Variants in SRD5A2 observed in about 807,000 individuals in gnomAD.
The protein encoded by SRD5A2 is 3-oxo-5-alpha-steroid 4-dehydrogenase 2.
Under a neutral mutation model 27.4 loss-of-function variants are expected in SRD5A2, and 30 were observed. The ratio of observed to expected loss-of-function variants is 1.10; its 90% CI spans 0.82 to 1.49. The LOEUF is 1.49. Among genes scored for constraint, SRD5A2 ranks in the 40% most tolerant of loss-of-function variants. The pLI, the probability that SRD5A2 is intolerant of heterozygous loss-of-function variation, is 0.00. For synonymous variants in SRD5A2, 141 were observed against 133.6 expected (o/e 1.06, Z -0.38); for missense variants, 348 against 323.4 (o/e 1.08, Z -0.58).
At chr2:31,600,280 C>T in the SRD5A2 span, among the ~76,000 whole-genome samples, 1 of 151,924 alleles carries the variant, frequency 6.6e-6, no homozygotes, top group South Asian at 2.1e-4. Flanking sequence ...GTAAATACTG[C>T]TGCAATAAAC....
rs1491224935 is a variant in SRD5A2 at position 31,526,104 on chromosome 2, C to CATATATATATATATATAT, written c.*91_*92insATATATATATATATATAT. On this transcript the variant is annotated 3_prime_UTR_variant, in exon 5 of 5. Coordinates refer to ENST00000622030, the MANE Select transcript of SRD5A2 (RefSeq NM_000348.4). Reference sequence around the variant, plus strand: ...CAGGAGACCTACTATTACATATATACGGGACTATTATATCATGAAAATTAC... The same window carrying CATATATATATATATATAT: ...CAGGAGACCTACTATTACATATATACATATATATATATATATATGGGACTATTATATCATGAAAATTAC... 41,768 of 785,138 alleles carry CATATATATATATATATAT rather than the reference C, an allele frequency of 0.053. 1,353 individuals are homozygous for CATATATATATATATATAT. Among genetic ancestry groups the CATATATATATATATATAT allele is most frequent in the Middle Eastern group, 0.076 (281 of 3,690 alleles). 48.6% of individuals were successfully genotyped at this position (785,138 alleles called of 1,614,324 possible). A position where few individuals can be genotyped will look rare whatever the true frequency, so the allele number is the denominator to read the frequency against.
chr2:31,554,292 A>G (rs1428393242), intron 1 of SRD5A2, among the ~76,000 whole-genome samples: 3 of 152,208 alleles, frequency 2.0e-5, no homozygotes, highest in South Asian at 4.1e-4. Flanking sequence ...AAAAAAGTTG[A>G]GCCTGTCACT....
intron 1 of SRD5A2, among the ~76,000 whole-genome samples, chr2:31,579,647 T>A (rs1255500197): frequency 2.0e-5 from 3 of 152,228 alleles, no homozygotes; most frequent in Non-Finnish European, 4.4e-5. Context: ...AGTTTCTTTG[T>A]AAAGTGGACA....
chr2:31,571,185 T>A (rs1289071586), intron 1 of SRD5A2, among the ~76,000 whole-genome samples: 1 of 152,070 alleles, frequency 6.6e-6, no homozygotes, highest in Admixed American at 6.6e-5. Context: ...TATAGACCAA[T>A]GGAACAGGAT....
At chr2:31,550,752 G>A (rs1666366360) in intron 1 of SRD5A2, among the ~76,000 whole-genome samples, 1 of 151,816 alleles carries the variant, frequency 6.6e-6, no homozygotes, top group Non-Finnish European at 1.5e-5. Context: ...ACTTGATAAG[G>A]AACATCTACA....
At chr2:31,592,390 A>T in the SRD5A2 span, among the ~76,000 whole-genome samples, 1 of 152,300 alleles carries the variant, frequency 6.6e-6, no homozygotes, top group South Asian at 2.1e-4. Flanking sequence ...CATAACCAGC[A>T]TTTGAGAAAA....
chr2:31,604,603 G>A, the SRD5A2 span, among the ~76,000 whole-genome samples: 1 of 151,748 alleles, frequency 6.6e-6, no homozygotes, highest in Non-Finnish European at 1.5e-5. Flanking sequence ...AACCAAAGAA[G>A]TGAAAGATCT....
chr2:31,550,772 A>G (rs898786512), intron 1 of SRD5A2, among the ~76,000 whole-genome samples: 1 of 152,044 alleles, frequency 6.6e-6, no homozygotes, highest in Admixed American at 6.5e-5. Context: ...AGCTAACATT[A>G]TATCGAACAG....
intron 1 of SRD5A2, among the ~76,000 whole-genome samples, chr2:31,559,836 C>CAACACACACACACACACACA (rs70964719): frequency 4.7e-5 from 3 of 63,714 alleles, no homozygotes; most frequent in African/African-American, 1.4e-4. Context: ...GTAAACAAAC[C>CAACACACACACACACACACA]CACACACACA....
intron 1 of SRD5A2, among the ~76,000 whole-genome samples, chr2:31,547,105 T>A (rs1325991837): frequency 6.6e-6 from 1 of 151,298 alleles, no homozygotes; most frequent in African/African-American, 2.4e-5. Flanking sequence ...TCTCAAAAAA[T>A]AAAATAAAAT....
At chr2:31,634,292 A>G in the SRD5A2 span, among the ~76,000 whole-genome samples, 2 of 152,218 alleles carry the variant, frequency 1.3e-5, no homozygotes, top group Non-Finnish European at 2.9e-5. Flanking sequence ...GGTCAAAAGA[A>G]GTTACACTGA....
rs191322008 is a variant in SRD5A2, at chr2:31,580,454, C to T, written c.281+166G>A. On this transcript the variant is annotated intron_variant, in intron 1 of 4. Transcript: ENST00000622030. ...TGTCAACTCTCTAGCGTCCAAGCCC[C>T]GGCCCCGGCCCCCGCCAGGTGCGCC... is the stretch of plus-strand genomic sequence containing the variant. Among the ~76,000 whole-genome samples the T allele has an allele frequency of 2.8e-4, 43 of 152,266 alleles. No homozygotes were observed. In the East Asian group the frequency reaches 7.4e-3, roughly 26 times the overall value.
chr2:31,522,513 T>C lies in SRD5A2; in HGVS notation c.*3683A>G. 5.2e-6 allele frequency: 1 copy of C among 192,448 alleles called. No individual in the cohort carries two copies. Among genetic ancestry groups the C allele is most frequent in the Non-Finnish European group, 1.1e-5 (1 of 91,954 alleles). 11.9% of individuals were successfully genotyped at this position (192,448 alleles called of 1,614,324 possible). ...TACTTTAACCTTCTCCAGTTATTTA[T>C]TTTATTCATCCAAATCTCAAGCTAA... On this transcript the variant is annotated 3_prime_UTR_variant, in exon 5 of 5. Transcript: ENST00000622030.
chr2:31,536,647 T>A (rs1666031717), intron 1 of SRD5A2, among the ~76,000 whole-genome samples: 2 of 152,200 alleles, frequency 1.3e-5, no homozygotes, highest in South Asian at 4.1e-4. Flanking sequence ...CAAATAAAGT[T>A]CATCTAATCT....
the SRD5A2 span, among the ~76,000 whole-genome samples, chr2:31,590,193 C>G: frequency 6.9e-6 from 1 of 144,338 alleles, no homozygotes. Flanking sequence ...CTCTACCCAC[C>G]CTGGCAGCTG....
Position 31,580,801 on chromosome 2 carries a change from C to G in SRD5A2, c.100G>C (p.Gly34Arg), listed in dbSNP as rs782032018. ...GGCTTCAGGCTCTCCGTGTGCTTCC[C>G]GTAGCCGGAGGGCTTCGCGACGTAC... ...ALYVAKPSGY[G>R]KHTESLKPAA... Residue 34 changes from glycine (G) to arginine (R), a missense_variant, in exon 1 of 5, where the codon GGG (glycine) becomes CGG (arginine). Transcript: ENST00000622030. The G allele has an allele frequency of 1.2e-6, 2 of 1,612,446 alleles. No homozygotes were observed. Among genetic ancestry groups the G allele is most frequent in the East Asian group, 2.2e-5 (1 of 44,856 alleles).
chr2:31,638,145 C>A, the SRD5A2 span, among the ~76,000 whole-genome samples: 1 of 151,928 alleles, frequency 6.6e-6, no homozygotes, highest in Non-Finnish European at 1.5e-5. Context: ...TTATTTATTT[C>A]AAGAAATTTT....
At chr2:31,603,766 C>T in the SRD5A2 span, among the ~76,000 whole-genome samples, 1 of 151,894 alleles carries the variant, frequency 6.6e-6, no homozygotes, top group African/African-American at 2.4e-5. Flanking sequence ...AGCTGGAAAC[C>T]ATTATCCTCA....
chr2:31,547,410 G>C (rs1666284193), intron 1 of SRD5A2, among the ~76,000 whole-genome samples: 1 of 152,188 alleles, frequency 6.6e-6, no homozygotes, highest in Non-Finnish European at 1.5e-5. Flanking sequence ...CTGTGAGGGT[G>C]TTTCTGGAAG....
Sources: allele counts gnomAD v4.1 joint callset (sites outside exome capture counted in the v4.1 genomes callset), GRCh38; gene constraint gnomAD v4.1.1; transcripts MANE v1.5; gene names NCBI Gene and HGNC (gene_info 2026-07-23, HGNC 2026-07-21).